Variants in PTPRM observed in about 807,000 individuals in gnomAD.
PTPRM encodes protein tyrosine phosphatase receptor type M, also known as receptor-type tyrosine-protein phosphatase mu.
In PTPRM, 47 loss-of-function variants were observed where a neutral mutation model predicts 186.7. The observed-to-expected ratio is 0.25, with a 90% CI of 0.20 to 0.32. The LOEUF is 0.32. Among genes scored for constraint, PTPRM ranks in the 10% least tolerant of loss-of-function variants. The probability of loss-of-function intolerance (pLI) is 1.00; values close to 1 mark genes in which losing one functional copy is unlikely to be tolerated. For synonymous variants in PTPRM, 668 were observed against 674.9 expected, an observed-to-expected ratio of 0.99 and a Z score of 0.16; for missense variants, 1,494 against 1,865.0, an observed-to-expected ratio of 0.80 and a Z score of 3.66.
intron 13 of PTPRM, among the ~76,000 whole-genome samples, chr18:8,137,814 A>G (rs73389711): frequency 0.046 from 7,069 of 152,040 alleles, 437 homozygotes; most frequent in African/African-American, 0.15. Context: ...CCCATTCATT[A>G]TCGCAGCCTC....
intron 14 of PTPRM, among the ~76,000 whole-genome samples, chr18:8,190,902 G>A (rs2093701526): frequency 6.6e-6 from 1 of 152,198 alleles, no homozygotes; most frequent in African/African-American, 2.4e-5. Flanking sequence ...TTGTGTGTTG[G>A]GGAGGAGTGA....
chr18:8,311,750 T>G (rs2095270301), intron 20 of PTPRM, among the ~76,000 whole-genome samples: 1 of 152,120 alleles, frequency 6.6e-6, no homozygotes, highest in African/African-American at 2.4e-5. Context: ...AGTTAAATTT[T>G]GGGGTGTGGA....
chr18:8,243,489 T>C (rs1157669782), intron 14 of PTPRM, among the ~76,000 whole-genome samples: 1 of 152,258 alleles, frequency 6.6e-6, no homozygotes, highest in Non-Finnish European at 1.5e-5. Flanking sequence ...GCCTGAGCTC[T>C]CTGAGCTTTG....
chr18:7,910,667 T>G (rs1171979436), intron 4 of PTPRM, among the ~76,000 whole-genome samples: 2 of 152,178 alleles, frequency 1.3e-5, no homozygotes, highest in Non-Finnish European at 2.9e-5. Flanking sequence ...GAGACTGAAG[T>G]GAAGTTACAA....
chr18:7,652,570 G>T (rs1449580060), intron 1 of PTPRM, among the ~76,000 whole-genome samples: 3 of 151,858 alleles, frequency 2.0e-5, no homozygotes, highest in Non-Finnish European at 4.4e-5. Flanking sequence ...ATACTATGCA[G>T]CCATAAAAAA....
intron 2 of PTPRM, among the ~76,000 whole-genome samples, chr18:7,852,273 G>A (rs1184769796): frequency 6.6e-6 from 1 of 152,078 alleles, no homozygotes; most frequent in Non-Finnish European, 1.5e-5. Context: ...GATATAGAAA[G>A]GATGCAATAA....
At chr18:7,772,607 G>A (rs750632644) in intron 1 of PTPRM, among the ~76,000 whole-genome samples, 170 of 151,838 alleles carry the variant, frequency 1.1e-3, no homozygotes, top group Non-Finnish European at 2.0e-3. Flanking sequence ...TACATAGTCA[G>A]GATGCTTTAC....
At position 8,266,845 on chromosome 18, in the gene PTPRM, T is replaced by C. The variant is rs140116448; in HGVS notation, c.2754+13431T>C. 9.1e-3 allele frequency among the ~76,000 whole-genome samples: 1,388 copies of C among 151,886 alleles called. 26 individuals are homozygous for C. The highest frequency in any genetic ancestry group is 0.032 in the African/African-American group (1,337 of 41,378). On this transcript the variant is annotated intron_variant, in intron 19 of 32. Coordinates refer to ENST00000580170, the MANE Select transcript of PTPRM (RefSeq NM_001105244.2). ...ATTGCTTGAACCCAGGAGGCGGAGG[T>C]TGCAGTGAGCCGAGATCATACCACT...
intron 9 of PTPRM, among the ~76,000 whole-genome samples, chr18:8,080,554 T>C (rs2090072160): frequency 6.6e-6 from 1 of 152,182 alleles, no homozygotes; most frequent in African/African-American, 2.4e-5. Context: ...GGCACTTTAA[T>C]CAAGTAGAAT....
At position 7,773,471 on chromosome 18, in the gene PTPRM, A is replaced by G. The variant is rs1355229562; in HGVS notation, c.74-678A>G. ...TTGAACATTTAAGTCAGTTCTCTTA[A>G]AATTTTTAATGCAAGAGCAATTTTT... is the stretch of plus-strand genomic sequence containing the variant. On this transcript the variant is annotated intron_variant, in intron 1 of 32. Transcript: ENST00000580170. Among the ~76,000 whole-genome samples, 5 of 152,060 alleles carry G rather than the reference A, an allele frequency of 3.3e-5. No homozygotes were observed. The East Asian group carries it at 9.6e-4, about 29-fold the overall frequency.
At chr18:8,027,420 G>A (rs561521827) in intron 7 of PTPRM, among the ~76,000 whole-genome samples, 2 of 152,272 alleles carry the variant, frequency 1.3e-5, no homozygotes, top group African/African-American at 4.8e-5. Flanking sequence ...TTTAGCATAT[G>A]AGAGTGATTA....
intron 1 of PTPRM, among the ~76,000 whole-genome samples, chr18:7,581,387 G>C (rs2036841703): frequency 6.6e-6 from 1 of 152,158 alleles, no homozygotes; most frequent in South Asian, 2.1e-4. Context: ...AATAGGTTCT[G>C]TTACCAGTTG....
chr18:8,314,125 T>C (rs567472656), intron 20 of PTPRM, among the ~76,000 whole-genome samples: 1 of 152,330 alleles, frequency 6.6e-6, no homozygotes, highest in South Asian at 2.1e-4. Flanking sequence ...ATATGAGCCC[T>C]CTATAGTACT....
intron 7 of PTPRM, among the ~76,000 whole-genome samples, chr18:8,015,614 T>C (rs535660128): frequency 7.2e-5 from 11 of 152,322 alleles, no homozygotes; most frequent in African/African-American, 2.6e-4. Context: ...TATGATAGTT[T>C]TTAAATTAAT....
At chr18:8,316,428 C>G (rs1183371053) in intron 21 of PTPRM, among the ~76,000 whole-genome samples, 1 of 152,076 alleles carries the variant, frequency 6.6e-6, no homozygotes, top group Non-Finnish European at 1.5e-5. Flanking sequence ...AGAAGATATT[C>G]CAGCTCAAGG....
intron 7 of PTPRM, among the ~76,000 whole-genome samples, chr18:7,981,972 C>T (rs1328629408): frequency 1.3e-5 from 2 of 152,188 alleles, no homozygotes; most frequent in Admixed American, 6.5e-5. Context: ...CTAGAAGTTG[C>T]TCTGGGTGTC....
chr18:7,924,959 A>G lies in PTPRM; in HGVS notation c.548-1609A>G, dbSNP rs1339439499. ...TACTGGAGTTTGTTCTTTTTCTTAC[A>G]CTTACTAGCCAAGTACCCATAAGTG... On this transcript the variant is annotated intron_variant, in intron 4 of 32. Coordinates refer to ENST00000580170, the MANE Select transcript of PTPRM (RefSeq NM_001105244.2). 2.0e-5 allele frequency among the ~76,000 whole-genome samples: 3 copies of G among 152,160 alleles called. No individual in the cohort carries two copies. The East Asian group carries it at 5.8e-4, about 29-fold the overall frequency.
intron 2 of PTPRM, among the ~76,000 whole-genome samples, chr18:7,871,725 CT>C (rs1272072404): frequency 6.6e-6 from 1 of 152,186 alleles, no homozygotes; most frequent in Non-Finnish European, 1.5e-5. Flanking sequence ...TTCAGTGCCA[CT>C]TTTGTGTGTG....
intron 19 of PTPRM, among the ~76,000 whole-genome samples, chr18:8,289,473 C>CATATATGTATATATATACAT (rs60714665): frequency 1.8e-5 from 2 of 112,610 alleles, no homozygotes; most frequent in Non-Finnish European, 3.4e-5. Context: ...TATATACACA[C>CATATATGTATATATATACAT]ATATGTATAT....
Sources: allele counts gnomAD v4.1 joint callset (sites outside exome capture counted in the v4.1 genomes callset), GRCh38; gene constraint gnomAD v4.1.1; transcripts MANE v1.5; gene names NCBI Gene and HGNC (gene_info 2026-07-23, HGNC 2026-07-21).